The following ITFG1 variants were observed in gnomAD, a reference collection of about 807,000 sequenced individuals.
ITFG1 encodes integrin alpha FG-GAP repeat containing 1.
Under a neutral mutation model 81.8 loss-of-function variants are expected in ITFG1, and 34 were observed. The ratio of observed to expected loss-of-function variants is 0.42; its 90% CI spans 0.32 to 0.55. The LOEUF (loss-of-function observed/expected upper bound fraction) is 0.55. ITFG1 is among the 20% of genes least tolerant of loss of function. The pLI is 0.17. For synonymous variants in ITFG1, 285 were observed against 270.6 expected, an observed-to-expected ratio of 1.05 and a Z score of -0.52; for missense variants, 672 against 755.4, an observed-to-expected ratio of 0.89 and a Z score of 1.29.
intron 10 of ITFG1, among the ~76,000 whole-genome samples, chr16:47,269,145 A>G (rs1408770738): frequency 6.6e-6 from 1 of 152,220 alleles, no homozygotes; most frequent in Non-Finnish European, 1.5e-5. Flanking sequence ...TCAGCAATGA[A>G]TATACAGGTT....
At chr16:47,330,842 G>A (rs1238515378) in intron 8 of ITFG1, among the ~76,000 whole-genome samples, 2 of 152,152 alleles carry the variant, frequency 1.3e-5, no homozygotes, top group Non-Finnish European at 2.9e-5. Context: ...AGGCTGCAGA[G>A]AAAAGGGAAT....
chr16:47,339,736 C>G (rs1481487542), intron 8 of ITFG1, among the ~76,000 whole-genome samples: 1 of 151,994 alleles, frequency 6.6e-6, no homozygotes, highest in Non-Finnish European at 1.5e-5. Flanking sequence ...GGGACACTAT[C>G]AAGTGGATCA....
intron 13 of ITFG1, among the ~76,000 whole-genome samples, chr16:47,232,206 A>C (rs1157767908): frequency 1.3e-5 from 2 of 152,236 alleles, no homozygotes; most frequent in African/African-American, 2.4e-5. Flanking sequence ...TGTTGTGTTA[A>C]GCCACTAAGT....
At chr16:47,327,948 T>G (rs879101457) in intron 8 of ITFG1, among the ~76,000 whole-genome samples, 1 of 152,184 alleles carries the variant, frequency 6.6e-6, no homozygotes, top group Admixed American at 6.5e-5. Flanking sequence ...AGAAATACCA[T>G]TTGACCCAGC....
At chr16:47,300,128 G>C (rs1315603432) in intron 10 of ITFG1, among the ~76,000 whole-genome samples, 1 of 152,218 alleles carries the variant, frequency 6.6e-6, no homozygotes, top group Non-Finnish European at 1.5e-5. Context: ...CAGTGGGAAA[G>C]TGGACTGCAG....
At chr16:47,266,362 C>T (rs577396789) in intron 10 of ITFG1, among the ~76,000 whole-genome samples, 7 of 152,040 alleles carry the variant, frequency 4.6e-5, no homozygotes, top group Non-Finnish European at 7.4e-5. Context: ...GAATTACAGG[C>T]GCCTGCAATC....
intron 5 of ITFG1, among the ~76,000 whole-genome samples, chr16:47,438,611 T>G (rs1181982747): frequency 6.6e-6 from 1 of 152,180 alleles, no homozygotes; most frequent in Non-Finnish European, 1.5e-5. Context: ...CCAACAGACC[T>G]GCAGATGAGG....
At chr16:47,159,023 A>T in intron 16 of ITFG1, 33 bp from the exon 17 acceptor site, 1 of 1,168,326 alleles carries the variant, frequency 8.6e-7, no homozygotes, top group Non-Finnish European at 1.2e-6. Context: ...TTAAAATTAC[A>T]AATTTTATTT....
At chr16:47,444,302 T>C (rs894964468) in intron 5 of ITFG1, among the ~76,000 whole-genome samples, 3 of 152,194 alleles carry the variant, frequency 2.0e-5, no homozygotes, top group African/African-American at 7.2e-5. Context: ...CTTACAGCAA[T>C]GCAATATAAT....
At chr16:47,187,635 A>G (rs375220648) in intron 14 of ITFG1, among the ~76,000 whole-genome samples, 143 of 151,490 alleles carry the variant, frequency 9.4e-4, no homozygotes, top group Admixed American at 2.7e-3. Flanking sequence ...AGACTTAAAC[A>G]TTAGACCTAA....
intron 7 of ITFG1, among the ~76,000 whole-genome samples, chr16:47,367,823 G>C (rs946974692): frequency 6.6e-6 from 1 of 152,128 alleles, no homozygotes; most frequent in Non-Finnish European, 1.5e-5. Context: ...ATCTTATTTA[G>C]TAAGTGTATT....
At chr16:47,171,259 TG>T (rs1305872716) in intron 14 of ITFG1, among the ~76,000 whole-genome samples, 2 of 151,796 alleles carry the variant, frequency 1.3e-5, no homozygotes, top group Non-Finnish European at 2.9e-5. Context: ...CTTCATGCTT[TG>T]GCCTCTCAAA....
intron 8 of ITFG1, among the ~76,000 whole-genome samples, chr16:47,341,360 C>T (rs1209301814): frequency 6.8e-6 from 1 of 146,528 alleles, no homozygotes; most frequent in Non-Finnish European, 1.5e-5. Context: ...ATCCCTTGAG[C>T]CCAGGAGTTG....
At chr16:47,242,935 G>A (rs1352145012) in intron 12 of ITFG1, among the ~76,000 whole-genome samples, 1 of 151,996 alleles carries the variant, frequency 6.6e-6, no homozygotes, top group East Asian at 1.9e-4. Context: ...GCATGGGTAC[G>A]TTTACTGTGT....
At chr16:47,276,211 T>A (rs1567443381) in intron 10 of ITFG1, among the ~76,000 whole-genome samples, 1 of 152,010 alleles carries the variant, frequency 6.6e-6, no homozygotes, top group Non-Finnish European at 1.5e-5. Context: ...GAATATAAGA[T>A]CCACATACCA....
At chr16:47,243,067 G>T (rs964215322) in intron 12 of ITFG1, among the ~76,000 whole-genome samples, 1 of 151,708 alleles carries the variant, frequency 6.6e-6, no homozygotes, top group Non-Finnish European at 1.5e-5. Context: ...TATCCTACAG[G>T]ATATTCATTA....
At chr16:47,460,162 G>A (rs147533571) in intron 1 of ITFG1, among the ~76,000 whole-genome samples, 21 of 152,364 alleles carry the variant, frequency 1.4e-4, no homozygotes, top group African/African-American at 5.1e-4. Context: ...GATGAGGAAG[G>A]AGTACACGAA....
At chr16:47,290,501 G>A (rs550866764) in intron 10 of ITFG1, among the ~76,000 whole-genome samples, 13 of 152,204 alleles carry the variant, frequency 8.5e-5, no homozygotes, top group African/African-American at 2.9e-4. Context: ...GGTATTGAGT[G>A]TATTTACATT....
intron 15 of ITFG1, among the ~76,000 whole-genome samples, chr16:47,162,227 T>A (rs1470906309): frequency 6.6e-6 from 1 of 151,756 alleles, no homozygotes; most frequent in Non-Finnish European, 1.5e-5. Context: ...AATAATATTA[T>A]TTATGTTACT....
Sources: gnomAD v4.1 joint callset for allele counts (sites outside exome capture counted in the v4.1 genomes callset) on GRCh38, gnomAD v4.1.1 for gene constraint, MANE v1.5 for transcripts, NCBI Gene and HGNC (gene_info 2026-07-23, HGNC 2026-07-21) for gene names.